Variants in SELENOI observed in about 807,000 individuals in gnomAD.
SELENOI encodes the protein ethanolaminephosphotransferase 1.
A neutral mutation model predicts 50.7 loss-of-function variants in SELENOI; 24 were observed. That is an observed-to-expected ratio of 0.47 (90% CI 0.34 to 0.67). The LOEUF (loss-of-function observed/expected upper bound fraction) is 0.67. SELENOI is among the 30% of genes least tolerant of loss of function. The pLI, the probability that SELENOI is intolerant of heterozygous loss-of-function variation, is 0.01. For synonymous variants in SELENOI, 155 were observed against 170.2 expected (o/e 0.91, Z 0.70); for missense variants, 352 against 461.4 (o/e 0.76, Z 2.17).
chr2:26,348,114 G>C (rs1382584880), intron 1 of SELENOI, among the ~76,000 whole-genome samples: 1 of 152,192 alleles, frequency 6.6e-6, no homozygotes, highest in Non-Finnish European at 1.5e-5. Flanking sequence ...TATGAATCCA[G>C]TGGTATCCAA....
At chr2:26,367,322 C>G in intron 4 of SELENOI, 102 bp downstream of exon 4, 2 of 910,246 alleles carry the variant, frequency 2.2e-6, no homozygotes, top group Non-Finnish European at 3.3e-6. Context: ...TTCATTTTAA[C>G]TAGAGTTTAT....
At chr2:26,377,329 T>G (rs945187530) in intron 6 of SELENOI, among the ~76,000 whole-genome samples, 3 of 152,162 alleles carry the variant, frequency 2.0e-5, no homozygotes, top group Non-Finnish European at 1.5e-5. Context: ...AAGTCTTTCA[T>G]TTAAGTTATT....
intron 1 of SELENOI, among the ~76,000 whole-genome samples, chr2:26,355,503 G>A (rs988956601): frequency 4.6e-5 from 7 of 152,120 alleles, no homozygotes; most frequent in African/African-American, 7.2e-5. Context: ...ACTAAATGAC[G>A]CCTCCTTTTG....
chr2:26,372,799 A>AAGTGGG (rs1270832475), intron 4 of SELENOI, among the ~76,000 whole-genome samples: 1 of 152,242 alleles, frequency 6.6e-6, no homozygotes, highest in Non-Finnish European at 1.5e-5. Flanking sequence ...CTCAGATCTA[A>AAGTGGG]AATTGACACC....
rs748343718 is a variant in SELENOI at position 26,385,073 on chromosome 2, A to G, written c.846A>G (p.Ser282=). The change falls in exon 8 of 10, where the codon TCA becomes TCG. Residue 282 remains serine, a synonymous_variant. Coordinates refer to ENST00000260585, the MANE Select transcript of SELENOI (RefSeq NM_033505.4). Reference sequence around the variant, plus strand: ...CAGCGTGGATCCTTTGGTCACCTTCAGATATTTTAGAGCTACATCCTAGAG... The same window carrying G: ...CAGCGTGGATCCTTTGGTCACCTTCGGATATTTTAGAGCTACATCCTAGAG... The part of the protein sequence containing the change: ...LSTAWILWSP[S]DILELHPRVF... 1.9e-6 allele frequency: 3 copies of G among 1,612,898 alleles called. No individual in the cohort carries two copies. The South Asian group carries it at 3.3e-5, about 18-fold the overall frequency.
intron 2 of SELENOI, 53 bp downstream of exon 2, chr2:26,364,423 T>A: frequency 1.7e-6 from 2 of 1,205,026 alleles, no homozygotes; most frequent in Non-Finnish European, 2.4e-6. Flanking sequence ...TTAAAGATTT[T>A]AACCTATTTT....
intron 8 of SELENOI, among the ~76,000 whole-genome samples, chr2:26,385,765 T>G (rs759066136): frequency 6.6e-6 from 1 of 152,242 alleles, no homozygotes; most frequent in Non-Finnish European, 1.5e-5. Context: ...ACTCATCTTA[T>G]GTTTCCATGT....
At position 26,353,858 on chromosome 2, in the gene SELENOI, A is replaced by C. The variant is rs536023504; in HGVS notation, c.57+7569A>C. Among the ~76,000 whole-genome samples the C allele has an allele frequency of 5.7e-4, 87 of 152,322 alleles. No individual in the cohort carries two copies. In the Middle Eastern group the frequency reaches 0.01, roughly 18 times the overall value. ...TTTCTCTAACTGCTGTAGTGCTTAAATATTAAGAAATTCTTTGCTAAATAA... is the reference window on the plus strand; with the variant it reads ...TTTCTCTAACTGCTGTAGTGCTTAACTATTAAGAAATTCTTTGCTAAATAA... On this transcript the variant is annotated intron_variant, in intron 1 of 9. Transcript: ENST00000260585.
rs1677113101 is a variant in SELENOI at position 26,358,640 on chromosome 2, A to G, written c.58-5662A>G. Among the ~76,000 whole-genome samples the G allele has an allele frequency of 2.0e-5, 3 of 152,326 alleles. No individual in the cohort carries two copies. In the South Asian group the frequency reaches 6.2e-4, roughly 32 times the overall value. ...AGATTTATATGCTGAGAGTTTTGGTAGGAATAGCTATTTCCTTGGATAACC... is the reference window on the plus strand; with the variant it reads ...AGATTTATATGCTGAGAGTTTTGGTGGGAATAGCTATTTCCTTGGATAACC... On this transcript the variant is annotated intron_variant, in intron 1 of 9. Transcript: ENST00000260585.
intron 4 of SELENOI, among the ~76,000 whole-genome samples, chr2:26,369,933 A>G (rs1282575732): frequency 1.3e-5 from 2 of 151,140 alleles, no homozygotes; most frequent in Non-Finnish European, 2.9e-5. Flanking sequence ...TCATAGAACA[A>G]TAGTGGAGGG....
intron 1 of SELENOI, among the ~76,000 whole-genome samples, chr2:26,347,387 A>G (rs1676816342): frequency 6.6e-6 from 1 of 152,112 alleles, no homozygotes. Flanking sequence ...CATTTGTGGA[A>G]TGAATGAATA....
At chr2:26,372,271 G>A (rs1677474033) in intron 4 of SELENOI, among the ~76,000 whole-genome samples, 1 of 151,830 alleles carries the variant, frequency 6.6e-6, no homozygotes. Flanking sequence ...CACCATCCCC[G>A]GCTAAGTTTT....
chr2:26,383,439 G>A, intron 7 of SELENOI, 92 bp downstream of exon 7: 1 of 913,330 alleles, frequency 1.1e-6, no homozygotes, highest in Non-Finnish European at 1.6e-6. Flanking sequence ...TTTGGAGTCA[G>A]GACATTTTGA....
rs1193923520 is a variant in SELENOI at position 26,395,773 on chromosome 2, T to C, written c.*6670T>C. 1.3e-5 allele frequency: 2 copies of C among 152,678 alleles called. No individual in the cohort carries two copies. Among genetic ancestry groups the C allele is most frequent in the Non-Finnish European group, 2.9e-5 (2 of 68,048 alleles). The allele number at this position is 152,678 out of a possible 1,614,324, so 9.5% of individuals were successfully genotyped here. A position where few individuals can be genotyped will look rare whatever the true frequency, so the allele number is the denominator to read the frequency against. On this transcript the variant is annotated 3_prime_UTR_variant, in exon 10 of 10. Transcript: ENST00000260585. ...CAACTGGATTTATGTTTGTTTCTGC[T>C]GCTGTGAAACCCCAAAGTAATGCAG...
intron 1 of SELENOI, among the ~76,000 whole-genome samples, chr2:26,363,252 C>T (rs1190608983): frequency 6.6e-6 from 1 of 152,190 alleles, no homozygotes; most frequent in African/African-American, 2.4e-5. Context: ...ATCCTTATGA[C>T]AATCCCTTGA....
chr2:26,373,003 C>G (rs532955243), intron 4 of SELENOI, among the ~76,000 whole-genome samples: 2 of 152,290 alleles, frequency 1.3e-5, no homozygotes, highest in East Asian at 3.9e-4. Context: ...ATCTTCCCAC[C>G]TCAGCCTCCT....
intron 6 of SELENOI, among the ~76,000 whole-genome samples, chr2:26,381,806 T>C (rs574171203): frequency 9.2e-5 from 14 of 152,316 alleles, no homozygotes; most frequent in Non-Finnish European, 1.9e-4. Context: ...AAGATTTCTG[T>C]TGGGTTCTAG....
intron 6 of SELENOI, among the ~76,000 whole-genome samples, chr2:26,378,067 T>C (rs1432397981): frequency 6.6e-6 from 1 of 152,210 alleles, no homozygotes; most frequent in East Asian, 1.9e-4. Flanking sequence ...TAGCTGCTGC[T>C]TTTTTAGCCA....
At chr2:26,374,429 T>A (rs1490278135) in intron 5 of SELENOI, among the ~76,000 whole-genome samples, 2 of 152,174 alleles carry the variant, frequency 1.3e-5, no homozygotes, top group South Asian at 4.1e-4. Context: ...TTTGTTGAAG[T>A]GGTTGGGTGG....
Sources: gnomAD v4.1 joint callset for allele counts (sites outside exome capture counted in the v4.1 genomes callset) on GRCh38, gnomAD v4.1.1 for gene constraint, MANE v1.5 for transcripts, NCBI Gene and HGNC (gene_info 2026-07-23, HGNC 2026-07-21) for gene names.